The following MMP16 variants were observed in gnomAD, a reference collection of about 807,000 sequenced individuals.
The protein encoded by MMP16 is matrix metalloproteinase-16.
A neutral mutation model predicts 67.8 loss-of-function variants in MMP16; 12 were observed. The ratio of observed to expected loss-of-function variants is 0.18; its 90% CI spans 0.11 to 0.29. The LOEUF (loss-of-function observed/expected upper bound fraction) is 0.29, where lower values mean the gene tolerates loss of function less well. Among genes scored for constraint, MMP16 ranks in the 10% least tolerant of loss-of-function variants. MMP16 has a pLI of 1.00. For missense variants in MMP16, 475 were observed against 765.7 expected (o/e 0.62, Z 4.48); for synonymous variants, 249 against 255.9 (o/e 0.97, Z 0.26).
intron 6 of MMP16, among the ~76,000 whole-genome samples, chr8:88,104,325 G>T (rs1809198249): frequency 6.6e-6 from 1 of 151,382 alleles, no homozygotes; most frequent in African/African-American, 2.4e-5. Context: ...ATGTCTCATT[G>T]TTTCATATAT....
chr8:88,143,226 A>G (rs906378490), intron 4 of MMP16, among the ~76,000 whole-genome samples: 1 of 152,104 alleles, frequency 6.6e-6, no homozygotes, highest in African/African-American at 2.4e-5. Flanking sequence ...GGTTGAGGCT[A>G]TTTAGGAAAA....
intron 1 of MMP16, among the ~76,000 whole-genome samples, chr8:88,283,049 C>T (rs540975656): frequency 6.6e-6 from 1 of 152,080 alleles, no homozygotes; most frequent in South Asian, 2.1e-4. Context: ...CATTATCTTT[C>T]ATTACTAAAC....
chr8:88,290,672 G>T (rs762388754), intron 1 of MMP16, among the ~76,000 whole-genome samples: 2 of 152,094 alleles, frequency 1.3e-5, no homozygotes, highest in Non-Finnish European at 2.9e-5. Flanking sequence ...TGACCTCCTA[G>T]GTTCAGGTGA....
At chr8:88,128,520 C>T (rs190967198) in intron 4 of MMP16, among the ~76,000 whole-genome samples, 11 of 151,826 alleles carry the variant, frequency 7.2e-5, no homozygotes, top group Admixed American at 6.6e-4. Context: ...AAATATAAAT[C>T]CTTTCTTTGT....
chr8:88,290,710 TG>T (rs1810913756), intron 1 of MMP16, among the ~76,000 whole-genome samples: 1 of 152,058 alleles, frequency 6.6e-6, no homozygotes. Context: ...CCTGAGTAGG[TG>T]GGACTACAGG....
intron 3 of MMP16, among the ~76,000 whole-genome samples, chr8:88,168,677 A>G (rs1282515587): frequency 1.3e-5 from 2 of 152,154 alleles, no homozygotes; most frequent in African/African-American, 4.8e-5. Flanking sequence ...ACTAAATCAG[A>G]TGTTTATTTT....
At chr8:88,220,804 C>T (rs565710439) in intron 1 of MMP16, among the ~76,000 whole-genome samples, 3 of 151,996 alleles carry the variant, frequency 2.0e-5, no homozygotes, top group South Asian at 4.1e-4. Context: ...CAGCGTCTTA[C>T]GATATCAATT....
At chr8:88,176,720 A>T (rs1808897419) in intron 3 of MMP16, among the ~76,000 whole-genome samples, 1 of 152,140 alleles carries the variant, frequency 6.6e-6, no homozygotes. Context: ...GCATAAATCA[A>T]TTTTTTATAT....
chr8:88,103,766 G>A (rs1368781042), intron 6 of MMP16, among the ~76,000 whole-genome samples: 1 of 151,724 alleles, frequency 6.6e-6, no homozygotes, highest in African/African-American at 2.4e-5. Context: ...TTGTCACTCT[G>A]CATGATTTTA....
At chr8:88,319,258 T>C (rs1300070316) in intron 1 of MMP16, among the ~76,000 whole-genome samples, 4 of 152,162 alleles carry the variant, frequency 2.6e-5, no homozygotes, top group Admixed American at 2.6e-4. Context: ...GACTTTTCTA[T>C]GTTTGTTCTC....
rs549806135 is a variant in MMP16, at chr8:88,072,139, G to A, written c.1222+2466C>T. Among the ~76,000 whole-genome samples the A allele has an allele frequency of 4.4e-4, 67 of 152,228 alleles. 1 individual carries two copies. The highest frequency in any genetic ancestry group is 2.7e-3 in the South Asian group (13 of 4,824). ...CATGGCCCATAGAGCAAAATGGGGT[G>A]ACCACGTGGGATGAGGAATGATGTG... On this transcript the variant is annotated intron_variant, in intron 7 of 9. Coordinates refer to ENST00000286614, the MANE Select transcript of MMP16 (RefSeq NM_005941.5).
chr8:88,224,917 C>T (rs1392088230), intron 1 of MMP16, among the ~76,000 whole-genome samples: 3 of 151,848 alleles, frequency 2.0e-5, no homozygotes, highest in Non-Finnish European at 4.4e-5. Context: ...TTCCGGAATA[C>T]CCATTAACAT....
chr8:88,087,755 A>T (rs1808858484), intron 6 of MMP16, among the ~76,000 whole-genome samples: 2 of 151,524 alleles, frequency 1.3e-5, no homozygotes, highest in South Asian at 4.1e-4. Flanking sequence ...ACCAGCTGGG[A>T]CAACATAGTG....
chr8:88,133,613 T>G (rs2118481039), intron 4 of MMP16, among the ~76,000 whole-genome samples: 1 of 151,974 alleles, frequency 6.6e-6, no homozygotes, highest in South Asian at 2.1e-4. Context: ...GACAAAGAGA[T>G]TATGCAGACA....
chr8:88,120,892 T>C (rs1366526606), intron 4 of MMP16, among the ~76,000 whole-genome samples: 1 of 151,900 alleles, frequency 6.6e-6, no homozygotes, highest in Admixed American at 6.6e-5. Flanking sequence ...TCCTTGCATA[T>C]CAGGTCCCCT....
intron 7 of MMP16, among the ~76,000 whole-genome samples, chr8:88,057,611 C>CCGTAACTATGATAAACCGTAGTT (rs1456968820): frequency 3.3e-5 from 5 of 152,090 alleles, no homozygotes; most frequent in African/African-American, 1.2e-4. Flanking sequence ...CCGTAGCTTT[C>CCGTAACTATGATAAACCGTAGTT]ATGTAATACC....
At chr8:88,250,516 T>G (rs2129922662) in intron 1 of MMP16, among the ~76,000 whole-genome samples, 1 of 152,212 alleles carries the variant, frequency 6.6e-6, no homozygotes, top group South Asian at 2.1e-4. Context: ...CTTACTATTC[T>G]TTGAGAAAGC....
chr8:88,094,931 T>G (rs888734045), intron 6 of MMP16, among the ~76,000 whole-genome samples: 1 of 151,814 alleles, frequency 6.6e-6, no homozygotes, highest in Non-Finnish European at 1.5e-5. Flanking sequence ...GGATTTCAGT[T>G]TTCTTTCTTT....
intron 7 of MMP16, chr8:88,069,253 T>C (rs1808509897): frequency 3.1e-6 from 1 of 323,410 alleles, no homozygotes; most frequent in Non-Finnish European, 6.0e-6. Flanking sequence ...TGTTTTGTTG[T>C]TTTCAATGTA....
Sources: gnomAD v4.1 joint callset for allele counts (sites outside exome capture counted in the v4.1 genomes callset) on GRCh38, gnomAD v4.1.1 for gene constraint, MANE v1.5 for transcripts, NCBI Gene and HGNC (gene_info 2026-07-23, HGNC 2026-07-21) for gene names.